Variants in WBP2NL observed in about 807,000 individuals in gnomAD.
WBP2NL encodes WBP2 N-terminal like.
In WBP2NL, 27 loss-of-function variants were observed where a neutral mutation model predicts 23.3. That is an observed-to-expected ratio of 1.16 (90% confidence interval 0.85 to 1.60). The LOEUF is 1.60. WBP2NL is among the 40% of genes most tolerant of loss of function. The pLI, the probability that WBP2NL is intolerant of heterozygous loss-of-function variation, is 0.00. For synonymous variants in WBP2NL, 151 were observed against 145.9 expected (o/e 1.03, Z -0.25); for missense variants, 370 against 389.5 (o/e 0.95, Z 0.42).
At chr22:42,056,323 T>C (rs1256286248) in intron 8 of WBP2NL, among the ~76,000 whole-genome samples, 3 of 152,220 alleles carry the variant, frequency 2.0e-5, no homozygotes, top group African/African-American at 7.2e-5. Flanking sequence ...TTTATGCTGT[T>C]ATTGTTACAA....
intron 4 of WBP2NL, among the ~76,000 whole-genome samples, chr22:42,020,864 G>GTATATA (rs1923839129): frequency 1.1e-4 from 4 of 35,030 alleles, no homozygotes; most frequent in Non-Finnish European, 1.8e-4. Context: ...GTGTGTGTGT[G>GTATATA]TGTGTATATA....
chr22:41,999,209 C>T (rs1379738409), intron 1 of WBP2NL, among the ~76,000 whole-genome samples: 2 of 152,250 alleles, frequency 1.3e-5, no homozygotes, highest in African/African-American at 4.8e-5. Flanking sequence ...GAGGCCGGAG[C>T]TGACCGGCGG....
chr22:42,038,294 G>C (rs1925266960), intron 8 of WBP2NL, among the ~76,000 whole-genome samples: 1 of 152,076 alleles, frequency 6.6e-6, no homozygotes, highest in Non-Finnish European at 1.5e-5. Flanking sequence ...ATTTTCATAT[G>C]TTAACTGACC....
At chr22:42,044,816 A>T (rs959470478) in intron 8 of WBP2NL, among the ~76,000 whole-genome samples, 2 of 151,978 alleles carry the variant, frequency 1.3e-5, no homozygotes, top group Non-Finnish European at 2.9e-5. Context: ...ATAAATTTTT[A>T]AAAATTTATT....
chr22:42,051,940 G>A (rs1466079624), intron 8 of WBP2NL, among the ~76,000 whole-genome samples: 2 of 152,334 alleles, frequency 1.3e-5, no homozygotes, highest in Non-Finnish European at 2.9e-5. Flanking sequence ...CATTATAGAG[G>A]AAGTAGAAGC....
chr22:42,031,366 T>G (rs1326900434), downstream of WBP2NL: 1 of 152,182 alleles, frequency 6.6e-6, no homozygotes, highest in African/African-American at 2.4e-5. Context: ...ATGTGCTGAG[T>G]TCCTCAGCTC....
intron 8 of WBP2NL, among the ~76,000 whole-genome samples, chr22:42,047,127 C>G (rs1440311628): frequency 1.3e-5 from 2 of 152,032 alleles, no homozygotes; most frequent in Non-Finnish European, 2.9e-5. Flanking sequence ...ATAGCCTGAA[C>G]TTAAAAAGTT....
At chr22:42,043,016 GAAAAAAAAAAA>G (rs59812729) in intron 8 of WBP2NL, among the ~76,000 whole-genome samples, 1 of 55,392 alleles carries the variant, frequency 1.8e-5, no homozygotes, top group African/African-American at 5.2e-5. Flanking sequence ...AGTGAGCCAA[GAAAAAAAAAAA>G]AAAAAAAAAA....
intron 1 of WBP2NL, among the ~76,000 whole-genome samples, chr22:42,010,310 C>T (rs915636108): frequency 6.6e-6 from 1 of 151,866 alleles, no homozygotes; most frequent in African/African-American, 2.4e-5. Context: ...TATTTTTTGC[C>T]TAATTGCTCT....
Position 42,026,752 on chromosome 22 carries a change from A to G in WBP2NL, c.515-14A>G, listed in dbSNP as rs749240575. 1.2e-6 allele frequency: 2 copies of G among 1,603,028 alleles called. No individual in the cohort carries two copies. The highest frequency in any genetic ancestry group is 1.8e-5 in the Admixed American group (1 of 57,016). The stretch of plus-strand genomic sequence containing the variant: ...AAGGTAACTGAATTTTTTTCCTTCC[A>G]TTATAATTCCCAGTTATTGTCTATG... On this transcript the variant is annotated splice_polypyrimidine_tract_variant and intron_variant, in intron 5 of 5. Coordinates refer to ENST00000328823, the MANE Select transcript of WBP2NL (RefSeq NM_152613.3).
At chr22:42,007,857 A>G (rs916894495) in intron 1 of WBP2NL, among the ~76,000 whole-genome samples, 3 of 152,216 alleles carry the variant, frequency 2.0e-5, no homozygotes, top group African/African-American at 7.2e-5. Context: ...TGCTGCTATC[A>G]ACATAAGTAT....
intron 8 of WBP2NL, among the ~76,000 whole-genome samples, chr22:42,047,710 C>G (rs1012644180): frequency 2.0e-5 from 3 of 151,066 alleles, no homozygotes; most frequent in Non-Finnish European, 3.0e-5. Context: ...CAAGCTCCGC[C>G]TCCCGGGTTC....
At chr22:42,047,341 A>G (rs1602481077) in intron 8 of WBP2NL, among the ~76,000 whole-genome samples, 1 of 151,572 alleles carries the variant, frequency 6.6e-6, no homozygotes, top group Non-Finnish European at 1.5e-5. Flanking sequence ...TGAGACCAAA[A>G]ATATGTAAAT....
In WBP2NL at chr22:42,028,086, G is replaced by T. The variant is rs1239145173; in HGVS notation, c.*905G>T. On this transcript the variant is annotated 3_prime_UTR_variant, in exon 6 of 6. Transcript: ENST00000328823. Reference sequence around the variant, plus strand: ...CTTGCATGTGTGCACAAAGATGCATGTGGGAAGATTTCATTATATTCATTG... The same window carrying T: ...CTTGCATGTGTGCACAAAGATGCATTTGGGAAGATTTCATTATATTCATTG... 5.0e-6 allele frequency: 2 copies of T among 398,386 alleles called. No homozygotes were observed. Among genetic ancestry groups the T allele is most frequent in the African/African-American group, 2.1e-5 (1 of 48,638 alleles). 24.7% of individuals were successfully genotyped at this position (398,386 alleles called of 1,614,324 possible).
chr22:42,036,829 A>G (rs543423775), downstream of WBP2NL, among the ~76,000 whole-genome samples: 4 of 152,204 alleles, frequency 2.6e-5, no homozygotes, highest in East Asian at 7.7e-4. Context: ...TTGGATATTA[A>G]TCCCTTATCA....
intron 8 of WBP2NL, among the ~76,000 whole-genome samples, chr22:42,039,839 T>C (rs2146815453): frequency 1.3e-5 from 2 of 152,204 alleles, no homozygotes; most frequent in Middle Eastern, 6.8e-3. Flanking sequence ...TTTTTCTTAT[T>C]TCTGTCCTTC....
intron 8 of WBP2NL, among the ~76,000 whole-genome samples, chr22:42,041,997 C>A (rs1473056938): frequency 1.3e-5 from 2 of 152,200 alleles, no homozygotes; most frequent in African/African-American, 4.8e-5. Flanking sequence ...AACATATTAT[C>A]CCATTCTTTC....
intron 8 of WBP2NL, among the ~76,000 whole-genome samples, chr22:42,048,513 CTG>C (rs752493065): frequency 7.9e-5 from 12 of 151,802 alleles, no homozygotes; most frequent in Non-Finnish European, 1.3e-4. Flanking sequence ...TCCCAGCACT[CTG>C]GGAGGCTGAG....
intron 1 of WBP2NL, chr22:42,000,988 G>A (rs529137355): frequency 1.9e-4 from 94 of 491,764 alleles, no homozygotes; most frequent in South Asian, 1.4e-3. Flanking sequence ...GGGAGACTCC[G>A]TCTCAAAAAA....
Sources: allele counts gnomAD v4.1 joint callset (sites outside exome capture counted in the v4.1 genomes callset), GRCh38; gene constraint gnomAD v4.1.1; transcripts MANE v1.5; gene names NCBI Gene and HGNC (gene_info 2026-07-23, HGNC 2026-07-21).